The following FBXO3 variants were observed in gnomAD, a reference collection of about 807,000 sequenced individuals.
The protein encoded by FBXO3 is F-box only protein 3.
A neutral mutation model predicts 64.8 loss-of-function variants in FBXO3; 17 were observed. The ratio of observed to expected loss-of-function variants is 0.26; its 90% CI spans 0.18 to 0.39. The LOEUF (loss-of-function observed/expected upper bound fraction) is 0.39. Among genes scored for constraint, FBXO3 ranks in the 10% least tolerant of loss-of-function variants. The pLI is 1.00. For synonymous variants in FBXO3, 182 were observed against 201.6 expected, an observed-to-expected ratio of 0.90 and a Z score of 0.82; for missense variants, 420 against 589.9, an observed-to-expected ratio of 0.71 and a Z score of 2.98.
intron 9 of FBXO3, 150 bp from the exon 10 acceptor site, chr11:33,747,470 G>T: frequency 1.6e-6 from 1 of 623,224 alleles, no homozygotes; most frequent in Non-Finnish European, 2.7e-6. Flanking sequence ...GTAACAAAAT[G>T]TTAACAGTGA....
intron 6 of FBXO3, 138 bp from the exon 7 acceptor site, chr11:33,751,745 T>C (rs1854965330): frequency 2.0e-6 from 1 of 491,034 alleles, no homozygotes. Flanking sequence ...TTGTACTAAT[T>C]ATTTATAAGA....
At chr11:33,752,524 A>C (rs1590568628) in intron 6 of FBXO3, among the ~76,000 whole-genome samples, 1 of 152,324 alleles carries the variant, frequency 6.6e-6, no homozygotes, top group African/African-American at 2.4e-5. Flanking sequence ...GGAATGATAA[A>C]AGATACAATT....
rs774447321 is a variant in FBXO3 at position 33,747,337 on chromosome 11, A to T, written c.1049-17T>A. 1.6e-5 allele frequency: 26 copies of T among 1,586,032 alleles called. No individual in the cohort carries two copies. In the South Asian group the frequency reaches 2.2e-4, roughly 14 times the overall value. On this transcript the variant is annotated splice_polypyrimidine_tract_variant and intron_variant, in intron 9 of 10. Coordinates refer to ENST00000265651, the MANE Select transcript of FBXO3 (RefSeq NM_012175.4). ...GAAATTCACCTGCAGGGAAAACAGT[A>T]ACAATAAACCAAAGTATAAAATTCA...
intron 1 of FBXO3, chr11:33,771,963 C>T (rs1855521813): frequency 6.6e-6 from 1 of 152,314 alleles, no homozygotes; most frequent in East Asian, 1.9e-4. Flanking sequence ...CTGATCCAGT[C>T]GGTTTGGACT....
intron 3 of FBXO3, among the ~76,000 whole-genome samples, chr11:33,766,042 CA>C (rs1264511188): frequency 2.0e-5 from 3 of 152,202 alleles, no homozygotes; most frequent in African/African-American, 7.2e-5. Flanking sequence ...TGATTTCTAG[CA>C]AGCTATTTCA....
intron 10 of FBXO3, chr11:33,746,500 G>A (rs1403407815): frequency 1.9e-6 from 1 of 538,462 alleles, no homozygotes; most frequent in Non-Finnish European, 3.3e-6. Flanking sequence ...GAAGCTAGAG[G>A]GCATTTTCCA....
intron 1 of FBXO3, chr11:33,771,816 G>A (rs574933616): frequency 6.6e-6 from 1 of 152,286 alleles, no homozygotes; most frequent in East Asian, 1.9e-4. Context: ...CCAGTTTTGT[G>A]CATTCAGTTT....
At position 33,741,968 on chromosome 11, in the gene FBXO3, C is replaced by T; in HGVS notation, c.1356G>A (p.Glu452=). ...GAACATCAAAGACTCTCCTCCGTCT[C>T]TCCTCTTCATCATCTTCATCTGATT... ...MDESDEDDEE[E]RRRRVFDVPI... Residue 452 remains glutamate, a synonymous_variant, in exon 11 of 11, where the codon GAG becomes GAA. Transcript: ENST00000265651. 2.5e-6 allele frequency: 4 copies of T among 1,614,050 alleles called. No homozygotes were observed. Among genetic ancestry groups the T allele is most frequent in the Non-Finnish European group, 3.4e-6 (4 of 1,179,940 alleles).
At position 33,741,665 on chromosome 11, in the gene FBXO3, T is replaced by G; in HGVS notation, c.*243A>C. On this transcript the variant is annotated 3_prime_UTR_variant, in exon 11 of 11. Transcript: ENST00000265651. ...TATGTCCATTCCTTAGCTAGAGAAC[T>G]ATTCTTCCACTGACTCCTGGAAGAG... 1 of 333,680 alleles carries G rather than the reference T, an allele frequency of 3.0e-6. No individual in the cohort carries two copies. Among genetic ancestry groups the G allele is most frequent in the South Asian group, 1.3e-4 (1 of 7,700 alleles). 20.7% of individuals were successfully genotyped at this position (333,680 alleles called of 1,614,324 possible).
At chr11:33,750,969 G>A (rs1438656324) in intron 7 of FBXO3, among the ~76,000 whole-genome samples, 1 of 152,064 alleles carries the variant, frequency 6.6e-6, no homozygotes, top group East Asian at 1.9e-4. Context: ...AAACTTTTGG[G>A]ACATCTGAAA....
intron 4 of FBXO3, 78 bp downstream of exon 4, chr11:33,758,409 T>A: frequency 9.2e-7 from 1 of 1,090,018 alleles, no homozygotes; most frequent in Non-Finnish European, 1.3e-6. Flanking sequence ...TAAGGGTAAC[T>A]ACAAATACAA....
intron 7 of FBXO3, among the ~76,000 whole-genome samples, chr11:33,750,954 T>G (rs1248665454): frequency 6.6e-6 from 1 of 152,202 alleles, no homozygotes; most frequent in African/African-American, 2.4e-5. Context: ...TTTCCAGGGC[T>G]AAGGAAACTT....
At chr11:33,768,123 G>T (rs539017411) in intron 3 of FBXO3, among the ~76,000 whole-genome samples, 1 of 151,770 alleles carries the variant, frequency 6.6e-6, no homozygotes, top group South Asian at 2.1e-4. Context: ...TAGCAAAACC[G>T]AACATCTATA....
intron 3 of FBXO3, among the ~76,000 whole-genome samples, chr11:33,760,657 A>G (rs939987637): frequency 6.6e-5 from 10 of 152,216 alleles, no homozygotes; most frequent in African/African-American, 2.2e-4. Context: ...AAAAGAAAAG[A>G]AACAATAGAA....
chr11:33,747,655 G>A (rs1854849748), intron 9 of FBXO3, among the ~76,000 whole-genome samples: 1 of 151,882 alleles, frequency 6.6e-6, no homozygotes, highest in Admixed American at 6.6e-5. Flanking sequence ...GGGATTACAA[G>A]CACCTGCCAT....
chr11:33,769,547 T>G (rs1481796600), intron 2 of FBXO3, among the ~76,000 whole-genome samples: 1 of 152,144 alleles, frequency 6.6e-6, no homozygotes, highest in African/African-American at 2.4e-5. Flanking sequence ...GCACATTTTT[T>G]ACCTTCAAAA....
rs1284564851 is a variant in FBXO3 at position 33,741,832 on chromosome 11, T to C, written c.*76A>G. ...TTTTCCTGCTATATGCAGAGAACAA[T>C]TTAGTTATTTACATTATTGAGAAAT... On this transcript the variant is annotated 3_prime_UTR_variant, in exon 11 of 11. Transcript: ENST00000265651. 2 of 1,406,762 alleles carry C rather than the reference T, an allele frequency of 1.4e-6. No homozygotes were observed. Among genetic ancestry groups the C allele is most frequent in the African/African-American group, 1.5e-5 (1 of 68,864 alleles). The allele number at this position is 1,406,762 out of a possible 1,614,324, so 87.1% of individuals were successfully genotyped here.
intron 3 of FBXO3, among the ~76,000 whole-genome samples, chr11:33,766,764 G>A (rs547262910): frequency 6.6e-6 from 1 of 152,282 alleles, no homozygotes; most frequent in Admixed American, 6.5e-5. Flanking sequence ...CAGCTGAGGT[G>A]AGCAGCTAGG....
At chr11:33,748,196 A>C (rs1854866337) in intron 9 of FBXO3, among the ~76,000 whole-genome samples, 2 of 152,180 alleles carry the variant, frequency 1.3e-5, no homozygotes, top group Admixed American at 6.5e-5. Context: ...CCTGGACTGA[A>C]GCCCAGGAAA....
Sources: gnomAD v4.1 joint callset for allele counts (sites outside exome capture counted in the v4.1 genomes callset) on GRCh38, gnomAD v4.1.1 for gene constraint, MANE v1.5 for transcripts, NCBI Gene and HGNC (gene_info 2026-07-23, HGNC 2026-07-21) for gene names.